Variants in CA10 observed in about 807,000 individuals in gnomAD.
The protein encoded by CA10 is carbonic anhydrase-related protein 10.
A neutral mutation model predicts 44.2 loss-of-function variants in CA10; 14 were observed. The observed-to-expected ratio is 0.32, with a 90% CI of 0.21 to 0.50. The LOEUF (loss-of-function observed/expected upper bound fraction) is 0.50, where lower values mean the gene tolerates loss of function less well. Ranked by LOEUF, CA10 falls within the 20% of genes least tolerant of loss-of-function variation. The probability of loss-of-function intolerance (pLI) is 0.99; values close to 1 mark genes in which losing one functional copy is unlikely to be tolerated. For synonymous variants in CA10, 159 were observed against 141.6 expected, an observed-to-expected ratio of 1.12 and a Z score of -0.87; for missense variants, 350 against 409.7, an observed-to-expected ratio of 0.85 and a Z score of 1.26.
At chr17:52,050,224 C>T (rs1201176211) in intron 2 of CA10, among the ~76,000 whole-genome samples, 1 of 151,992 alleles carries the variant, frequency 6.6e-6, no homozygotes, top group African/African-American at 2.4e-5. Flanking sequence ...GTTGTAAATC[C>T]AAACTTAAGA....
intron 2 of CA10, among the ~76,000 whole-genome samples, chr17:51,987,827 A>T (rs1225535173): frequency 2.6e-5 from 4 of 151,772 alleles, no homozygotes; most frequent in East Asian, 1.9e-4. Flanking sequence ...AATTTGAGGG[A>T]ATTTGTCATC....
Position 51,934,245 on chromosome 17 carries a change from G to A in CA10, c.137-3113C>T, listed in dbSNP as rs188869154. On this transcript the variant is annotated intron_variant, in intron 2 of 8. Coordinates refer to ENST00000451037, the MANE Select transcript of CA10 (RefSeq NM_020178.5). ...ACTTAAATTCATTACATGGATTTAA[G>A]GCCATAGAGGCAGGGAGTAAAGTCC... 2.2e-3 allele frequency among the ~76,000 whole-genome samples: 328 copies of A among 152,188 alleles called. 6 individuals carry two copies. The highest frequency in any genetic ancestry group is 0.021 in the Admixed American group (317 of 15,272).
chr17:51,965,470 G>A (rs1423633324), intron 2 of CA10, among the ~76,000 whole-genome samples: 1 of 151,602 alleles, frequency 6.6e-6, no homozygotes, highest in Non-Finnish European at 1.5e-5. Flanking sequence ...CAAAATACTA[G>A]CAAATCGAAT....
intron 1 of CA10, among the ~76,000 whole-genome samples, chr17:52,078,768 C>G (rs1243249439): frequency 1.3e-5 from 2 of 152,176 alleles, no homozygotes; most frequent in Non-Finnish European, 2.9e-5. Flanking sequence ...AAATGACTGC[C>G]CCATTGAGCT....
intron 2 of CA10, among the ~76,000 whole-genome samples, chr17:51,949,456 T>C (rs1567896685): frequency 6.6e-6 from 1 of 152,162 alleles, no homozygotes; most frequent in Non-Finnish European, 1.5e-5. Flanking sequence ...TAAGTACCTG[T>C]CAGAAAATGA....
At position 51,821,253 on chromosome 17, in the gene CA10, C is replaced by T. The variant is rs184079521; in HGVS notation, c.280-73435G>A. Among the ~76,000 whole-genome samples the T allele has an allele frequency of 9.2e-4, 140 of 151,438 alleles. 3 individuals carry two copies. Among genetic ancestry groups the T allele is most frequent in the African/African-American group, 3.3e-3 (134 of 41,062 alleles). On this transcript the variant is annotated intron_variant, in intron 3 of 8. Transcript: ENST00000451037. ...AAAGCTCCTTCCCTTCATGGGAGCC[C>T]ACAGTTAAAAAGGAAATAGAGACAG... is the stretch of plus-strand genomic sequence containing the variant.
In CA10 at chr17:51,849,261, ATAT is replaced by A. The variant is rs1567860558; in HGVS notation, c.279+81726_279+81728del. 2.0e-4 allele frequency among the ~76,000 whole-genome samples: 27 copies of A among 137,398 alleles called. 2 individuals carry two copies. The highest frequency in any genetic ancestry group is 6.5e-4 in the African/African-American group (25 of 38,242). The allele number at this position is 137,398 out of a possible 152,430, so 90.1% of individuals were successfully genotyped here. A position where few individuals can be genotyped will look rare whatever the true frequency, so the allele number is the denominator to read the frequency against. On this transcript the variant is annotated intron_variant, in intron 3 of 8. Coordinates refer to ENST00000451037, the MANE Select transcript of CA10 (RefSeq NM_020178.5). ...TATATATATATATATATATATATAT[ATAT>A]AAAACTAAGTTTTTTGGAGTCCTTT...
intron 3 of CA10, among the ~76,000 whole-genome samples, chr17:51,772,456 T>C (rs1169575115): frequency 6.6e-6 from 1 of 152,116 alleles, no homozygotes; most frequent in Non-Finnish European, 1.5e-5. Context: ...CTGTTTTTGA[T>C]ATATATATAT....
chr17:51,773,742 T>C (rs1317483727), intron 3 of CA10, among the ~76,000 whole-genome samples: 2 of 152,276 alleles, frequency 1.3e-5, no homozygotes, highest in African/African-American at 4.8e-5. Context: ...ATCATTTTAA[T>C]GTTGGGCCTC....
At chr17:51,925,356 G>A (rs1203468899) in intron 3 of CA10, among the ~76,000 whole-genome samples, 2 of 151,926 alleles carry the variant, frequency 1.3e-5, no homozygotes, top group Non-Finnish European at 1.5e-5. Flanking sequence ...AATTCATTAG[G>A]GAAATGTAAA....
At chr17:52,013,943 C>G (rs1367239322) in intron 2 of CA10, among the ~76,000 whole-genome samples, 1 of 151,690 alleles carries the variant, frequency 6.6e-6, no homozygotes, top group African/African-American at 2.4e-5. Flanking sequence ...AAGCATAGTA[C>G]AAGTTTAACT....
At chr17:51,780,755 C>T (rs934626335) in intron 3 of CA10, among the ~76,000 whole-genome samples, 3 of 152,248 alleles carry the variant, frequency 2.0e-5, no homozygotes, top group African/African-American at 7.2e-5. Context: ...CTTATTATGT[C>T]CTGGTGAAAG....
At chr17:51,695,749 C>T (rs1015777141) in intron 4 of CA10, among the ~76,000 whole-genome samples, 3 of 152,070 alleles carry the variant, frequency 2.0e-5, no homozygotes, top group African/African-American at 4.8e-5. Flanking sequence ...TTCCAGTTGT[C>T]AAAGGGAATG....
At chr17:51,861,336 T>C (rs1351435921) in intron 3 of CA10, among the ~76,000 whole-genome samples, 1 of 152,028 alleles carries the variant, frequency 6.6e-6, no homozygotes, top group Non-Finnish European at 1.5e-5. Context: ...AGCCTCATTG[T>C]GGAGATTTTC....
intron 6 of CA10, 118 bp from the exon 7 acceptor site, chr17:51,636,127 G>GAT (rs150121761): frequency 0.03 from 15,216 of 511,612 alleles, 357 homozygotes; most frequent in Middle Eastern, 0.043. Flanking sequence ...TACACACACA[G>GAT]ATATATATGT....
rs111399993 is a variant in CA10, at chr17:51,717,665, A to G, written c.465+29968T>C. On this transcript the variant is annotated intron_variant, in intron 4 of 8. Transcript: ENST00000451037. Reference sequence around the variant, plus strand: ...TATATATACATATATACGTATATATACATGTATATATGTATATATGTATAC... The same window carrying G: ...TATATATACATATATACGTATATATGCATGTATATATGTATATATGTATAC... Among the ~76,000 whole-genome samples the G allele has an allele frequency of 1.6e-3, 63 of 38,894 alleles. 4 individuals carry two copies. The highest frequency in any genetic ancestry group is 3.0e-3 in the East Asian group (2 of 676). The allele number at this position is 38,894 out of a possible 152,430, so 25.5% of individuals were successfully genotyped here.
Position 51,924,926 on chromosome 17 carries a change from G to A in CA10, c.279+6064C>T, listed in dbSNP as rs557276070. 3.9e-5 allele frequency among the ~76,000 whole-genome samples: 6 copies of A among 152,304 alleles called. No homozygotes were observed. In the South Asian group the frequency reaches 1.0e-3, roughly 26 times the overall value. On this transcript the variant is annotated intron_variant, in intron 3 of 8. Transcript: ENST00000451037. ...GAAATTGGCGACAACAGTAGTTTTA[G>A]CCTTTGCTGGGCAAAATTTCAAACA...
At chr17:52,051,533 A>T (rs1244699492) in intron 2 of CA10, among the ~76,000 whole-genome samples, 2 of 152,124 alleles carry the variant, frequency 1.3e-5, no homozygotes, top group Non-Finnish European at 2.9e-5. Flanking sequence ...CAAGTCTACA[A>T]AAAATAGCTC....
At chr17:51,887,855 G>GAA (rs1335713071) in intron 3 of CA10, among the ~76,000 whole-genome samples, 1 of 126,938 alleles carries the variant, frequency 7.9e-6, no homozygotes, top group Non-Finnish European at 1.7e-5. Flanking sequence ...AAAAAAAAAA[G>GAA]AAAAAAAAAA....
Sources: gnomAD v4.1 joint callset for allele counts (sites outside exome capture counted in the v4.1 genomes callset) on GRCh38, gnomAD v4.1.1 for gene constraint, MANE v1.5 for transcripts, NCBI Gene and HGNC (gene_info 2026-07-23, HGNC 2026-07-21) for gene names.